The following GGT6 variants were observed in gnomAD, a reference collection of about 807,000 sequenced individuals.
GGT6 encodes glutathione hydrolase 6.
In GGT6, 13 loss-of-function variants were observed where a neutral mutation model predicts 17.0. That is an observed-to-expected ratio of 0.77 (90% CI 0.50 to 1.22). The LOEUF (loss-of-function observed/expected upper bound fraction) is 1.22, where lower values mean the gene tolerates loss of function less well. GGT6 is among the 50% of genes most tolerant of loss of function. GGT6 has a pLI of 0.00. For missense variants in GGT6, 628 were observed against 643.7 expected, an observed-to-expected ratio of 0.98 and a Z score of 0.26; for synonymous variants, 305 against 297.9, an observed-to-expected ratio of 1.02 and a Z score of -0.25.
At chr17:4,556,438 G>A (rs1908125446), downstream of GGT6, among the ~76,000 whole-genome samples, 2 of 152,168 alleles carry the variant, frequency 1.3e-5, no homozygotes, top group South Asian at 4.1e-4. Flanking sequence ...TTACGGAGAA[G>A]AATTTTCTTG....
intron 1 of GGT6, 58 bp from the exon 2 acceptor site, chr17:4,559,818 A>G: frequency 6.7e-7 from 1 of 1,490,454 alleles, no homozygotes; most frequent in Non-Finnish European, 9.3e-7. Context: ...CAAGGACCCC[A>G]AGAGACCCCA....
Position 4,558,915 on chromosome 17 carries a change from G to A in GGT6, c.600C>T (p.Gly200=). 2 of 1,548,796 alleles carry A rather than the reference G, an allele frequency of 1.3e-6. No individual in the cohort carries two copies. Among genetic ancestry groups the A allele is most frequent in the Middle Eastern group, 1.7e-4 (1 of 5,910 alleles). Residue 200 remains glycine (G), a synonymous_variant, in exon 4 of 4, where the codon GGC becomes GGT. Transcript: ENST00000381550. The stretch of plus-strand genomic sequence containing the variant: ...CTAGCAGGCGTGGCCAGGGCAGGCG[G>A]CCGAAGCGTGCATGCAGCAGGTGCA... The part of the protein sequence containing the change: ...PTLHLLHARF[G]RLPWPRLLVG...
Position 4,558,984 on chromosome 17 carries a change from C to A in GGT6, c.531G>T (p.Gln177His). ...NSTALTSGPA[Q>H]TLAPGLGLPA... Reference sequence around the variant, plus strand: ...GCAGCCCCAGGCCGGGGGCCAGGGTCTGTGCTGGGCCTGATGTCAGGGCCG... The same window carrying A: ...GCAGCCCCAGGCCGGGGGCCAGGGTATGTGCTGGGCCTGATGTCAGGGCCG... The change falls in exon 4 of 4, where the codon CAG becomes CAT. Residue 177 changes from glutamine to histidine, a missense_variant. Physicochemically the swap from Gln to His is conservative, Grantham distance 24. Coordinates refer to ENST00000381550, the MANE Select transcript of GGT6 (RefSeq NM_001288702.2). The A allele has an allele frequency of 1.3e-6, 2 of 1,545,528 alleles. No individual in the cohort carries two copies. Among genetic ancestry groups the A allele is most frequent in the Non-Finnish European group, 8.7e-7 (1 of 1,146,918 alleles).
In GGT6 at chr17:4,557,930, C is replaced by T. The variant is rs1908280281; in HGVS notation, c.*85G>A. On this transcript the variant is annotated 3_prime_UTR_variant, in exon 4 of 4. Transcript: ENST00000381550. ...TGTGAGGCACCACACCCTGCGGGTG[C>T]ACACTCCATTGCTGCTGTGTCTGCT... 2.2e-6 allele frequency: 2 copies of T among 910,638 alleles called. No individual in the cohort carries two copies. The highest frequency in any genetic ancestry group is 1.7e-5 in the South Asian group (1 of 57,412). 56.4% of individuals were successfully genotyped at this position (910,638 alleles called of 1,614,324 possible). A position where few individuals can be genotyped will look rare whatever the true frequency, so the allele number is the denominator to read the frequency against.
chr17:4,560,449 C>T lies in GGT6; in HGVS notation c.73G>A (p.Glu25Lys). Residue 25 changes from glutamate (E) to lysine (K), a missense_variant, in exon 1 of 4, where the codon GAA becomes AAA. Coordinates refer to ENST00000381550, the MANE Select transcript of GGT6 (RefSeq NM_001288702.2). The stretch of plus-strand genomic sequence containing the variant: ...TCTGATGTCTCCTCCTCCTCCACTT[C>T]CTCCTCCGACTCCAAGCTTGGCTCC... ...PWEPSLESEE[E>K]VEEEETSEAL... The T allele has an allele frequency of 6.2e-7, 1 of 1,614,114 alleles. No individual in the cohort carries two copies. The highest frequency in any genetic ancestry group is 8.5e-7 in the Non-Finnish European group (1 of 1,180,022).
chr17:4,558,419 C>G lies in GGT6; in HGVS notation c.1096G>C (p.Gly366Arg). ...SSALAAVDSS[G>R]SVLLLTSSLN... ...GAGGAGGTGAGAAGGAGCACAGAGC[C>G]GCTGCTGTCCACGGCGGCCAGGGCA... Residue 366 changes from glycine (G) to arginine (R), a missense_variant, in exon 4 of 4, where the codon GGC becomes CGC. Coordinates refer to ENST00000381550, the MANE Select transcript of GGT6 (RefSeq NM_001288702.2). The G allele has an allele frequency of 6.2e-7, 1 of 1,605,678 alleles. No homozygotes were observed. Among genetic ancestry groups the G allele is most frequent in the Non-Finnish European group, 8.5e-7 (1 of 1,180,002 alleles).
Position 4,558,158 on chromosome 17 carries a change from G to T in GGT6, c.1357C>A (p.Gln453Lys), listed in dbSNP as rs954683865. Reference sequence around the variant, plus strand: ...TCTTGCTGACCCTGATGCTGGTGCTGGGCCTGGGTAGGGGGCCTTGCTGCC... The same window carrying T: ...TCTTGCTGACCCTGATGCTGGTGCTTGGCCTGGGTAGGGGGCCTTGCTGCC... ...HLAARPPTQA[Q>K]HQHQGQQEPT... Residue 453 changes from glutamine to lysine, a missense_variant, in exon 4 of 4, where the codon CAG (glutamine) becomes AAG (lysine). Coordinates refer to ENST00000381550, the MANE Select transcript of GGT6 (RefSeq NM_001288702.2). 3.1e-6 allele frequency: 5 copies of T among 1,613,852 alleles called. No homozygotes were observed. Among genetic ancestry groups the T allele is most frequent in the Non-Finnish European group, 4.2e-6 (5 of 1,179,912 alleles).
In GGT6 at chr17:4,558,127, G is replaced by C. The variant is rs774815991; in HGVS notation, c.1388C>G (p.Thr463Arg). The C allele has an allele frequency of 5.0e-6, 8 of 1,613,290 alleles. No individual in the cohort carries two copies. The South Asian group carries it at 8.8e-5, about 18-fold the overall frequency. The stretch of plus-strand genomic sequence containing the variant: ...TTGGCCACAAGTGCTGGGATGCTCT[G>C]TTGGTTCTTGCTGACCCTGATGCTG... ...QHQHQGQQEP[T>R]EHPSTCGQGT... The change falls in exon 4 of 4, where the codon ACA (threonine) becomes AGA (arginine). Residue 463 changes from threonine to arginine, a missense_variant. Coordinates refer to ENST00000381550, the MANE Select transcript of GGT6 (RefSeq NM_001288702.2).
rs766601927 is a variant in GGT6 at position 4,560,457 on chromosome 17, G to A, written c.65C>T (p.Ser22Leu). ...KLLPWEPSLESEEEVEEEETS... is the reference protein window; with the variant it reads ...KLLPWEPSLELEEEVEEEETS... ...CTCCTCCTCCTCCACTTCCTCCTCCGACTCCAAGCTTGGCTCCCAGGGCAG... is the reference window on the plus strand; with the variant it reads ...CTCCTCCTCCTCCACTTCCTCCTCCAACTCCAAGCTTGGCTCCCAGGGCAG... Residue 22 changes from serine to leucine, a missense_variant, in exon 1 of 4, where the codon TCG becomes TTG. Ser to Leu is a moderately radical substitution (Grantham distance 145). Coordinates refer to ENST00000381550, the MANE Select transcript of GGT6 (RefSeq NM_001288702.2). 14 of 1,613,798 alleles carry A rather than the reference G, an allele frequency of 8.7e-6. No homozygotes were observed. Among genetic ancestry groups the A allele is most frequent in the Admixed American group, 3.3e-5 (2 of 60,006 alleles).
In GGT6 at chr17:4,558,124, T is replaced by C. The variant is rs1908299406; in HGVS notation, c.1391A>G (p.Glu464Gly). The change falls in exon 4 of 4, where the codon GAG (glutamate) becomes GGG (glycine). Residue 464 changes from glutamate to glycine, a missense_variant. Transcript: ENST00000381550. The stretch of plus-strand genomic sequence containing the variant: ...CCCTTGGCCACAAGTGCTGGGATGC[T>C]CTGTTGGTTCTTGCTGACCCTGATG... The part of the protein sequence containing the change: ...HQHQGQQEPT[E>G]HPSTCGQGTL... The C allele has an allele frequency of 1.2e-6, 2 of 1,613,090 alleles. No individual in the cohort carries two copies. Among genetic ancestry groups the C allele is most frequent in the African/African-American group, 1.3e-5 (1 of 74,940 alleles).
chr17:4,558,420 G>T lies in GGT6; in HGVS notation c.1095C>A (p.Ser365Arg), dbSNP rs149059426. The T allele has an allele frequency of 2.2e-5, 35 of 1,605,772 alleles. No homozygotes were observed. In the African/African-American group the frequency reaches 3.6e-4, roughly 17 times the overall value. The change falls in exon 4 of 4, where the codon AGC becomes AGA. Residue 365 changes from serine to arginine, a missense_variant. Physicochemically the swap from Ser to Arg is moderately radical, Grantham distance 110. Transcript: ENST00000381550. The stretch of plus-strand genomic sequence containing the variant: ...AGGAGGTGAGAAGGAGCACAGAGCC[G>T]CTGCTGTCCACGGCGGCCAGGGCAC... ...ESSALAAVDS[S>R]GSVLLLTSSL...
Position 4,558,435 on chromosome 17 carries a change from G to A in GGT6, c.1080C>T (p.Ala360=), listed in dbSNP as rs772748837. 6.2e-6 allele frequency: 10 copies of A among 1,606,562 alleles called. No individual in the cohort carries two copies. The highest frequency in any genetic ancestry group is 2.7e-5 in the African/African-American group (2 of 74,936). Residue 360 remains alanine (A), a synonymous_variant, in exon 4 of 4, where the codon GCC becomes GCT. Coordinates refer to ENST00000381550, the MANE Select transcript of GGT6 (RefSeq NM_001288702.2). ...TAVSPESSAL[A]AVDSSGSVLL... ...GCACAGAGCCGCTGCTGTCCACGGC[G>A]GCCAGGGCACTGCTCTCGGGGCTCA... is the stretch of plus-strand genomic sequence containing the variant.
In GGT6 at chr17:4,559,674, C is replaced by G; in HGVS notation, c.227G>C (p.Arg76Thr). Residue 76 changes from arginine (R) to threonine (T), a missense_variant, in exon 2 of 4, where the codon AGG becomes ACG. Coordinates refer to ENST00000381550, the MANE Select transcript of GGT6 (RefSeq NM_001288702.2). ...CGACCTGCCCTGATTCTGGAGCTGC[C>G]TCACAGCCAGGGAGCAGCCAACAGC... ...LLAVGCSLAV[R>T]QLQNQGRSTG... is the part of the protein sequence containing the mutation. The G allele has an allele frequency of 6.2e-7, 1 of 1,612,978 alleles. No homozygotes were observed. Among genetic ancestry groups the G allele is most frequent in the Non-Finnish European group, 8.5e-7 (1 of 1,180,014 alleles).
Position 4,560,429 on chromosome 17 carries a change from T to C in GGT6, c.93A>G (p.Thr31=), listed in dbSNP as rs139632827. The C allele has an allele frequency of 1.1e-5, 17 of 1,613,992 alleles. No homozygotes were observed. Among genetic ancestry groups the C allele is most frequent in the Non-Finnish European group, 1.4e-5 (16 of 1,180,008 alleles). ...ESEEEVEEEE[T]SEALVLNPRR... The stretch of plus-strand genomic sequence containing the variant: ...GGGGGTTTAGAACCAGCGCCTCTGA[T>C]GTCTCCTCCTCCTCCACTTCCTCCT... The change falls in exon 1 of 4, where the codon ACA becomes ACG. Residue 31 remains threonine, a synonymous_variant. Transcript: ENST00000381550.
At position 4,559,652 on chromosome 17, in the gene GGT6, C is replaced by T. The variant is rs752324097; in HGVS notation, c.249G>A (p.Arg83=). Residue 83 remains arginine, a synonymous_variant, in exon 2 of 4, where the codon AGG becomes AGA. Transcript: ENST00000381550. The part of the protein sequence containing the change: ...LAVRQLQNQG[R]STGSLGSVAP... ...CCACAGAGCCCAAGCTTCCTGTCGACCTGCCCTGATTCTGGAGCTGCCTCA... is the reference window on the plus strand; with the variant it reads ...CCACAGAGCCCAAGCTTCCTGTCGATCTGCCCTGATTCTGGAGCTGCCTCA... 7 of 1,613,398 alleles carry T rather than the reference C, an allele frequency of 4.3e-6. No homozygotes were observed. Among genetic ancestry groups the T allele is most frequent in the Non-Finnish European group, 5.9e-6 (7 of 1,180,016 alleles).
At position 4,559,532 on chromosome 17, in the gene GGT6, C is replaced by G. The variant is rs1220151924; in HGVS notation, c.343+26G>C. On this transcript the variant is annotated intron_variant, in intron 2 of 3. Transcript: ENST00000381550. ...CTGGTGACCCCTGACCCTCCCCTCC[C>G]CAAGCCGCCCCCAGCACTGACTGAC... is the stretch of plus-strand genomic sequence containing the variant. 3.1e-6 allele frequency: 5 copies of G among 1,607,464 alleles called. No individual in the cohort carries two copies. The East Asian group carries it at 1.1e-4, about 36-fold the overall frequency.
chr17:4,560,314 C>A, intron 1 of GGT6, 68 bp downstream of exon 1: 1 of 1,579,788 alleles, frequency 6.3e-7, no homozygotes, highest in Non-Finnish European at 8.7e-7. Context: ...CCCTGAGGGG[C>A]TCCAGAGAGA....
chr17:4,560,468 T>A lies in GGT6; in HGVS notation c.54A>T (p.Pro18=). The part of the protein sequence containing the change: ...VVYQKLLPWE[P]SLESEEEVEE... ...CCACTTCCTCCTCCGACTCCAAGCT[T>A]GGCTCCCAGGGCAGCAGCTTCTGAT... The change falls in exon 1 of 4, where the codon CCA becomes CCT. Residue 18 remains proline (P), a synonymous_variant. Transcript: ENST00000381550. 3 of 1,613,904 alleles carry A rather than the reference T, an allele frequency of 1.9e-6. No individual in the cohort carries two copies. The highest frequency in any genetic ancestry group is 2.5e-6 in the Non-Finnish European group (3 of 1,180,014).
chr17:4,558,807 G>T lies in GGT6; in HGVS notation c.708C>A (p.Gly236=). The change falls in exon 4 of 4, where the codon GGC becomes GGA. Residue 236 remains glycine, a synonymous_variant. Coordinates refer to ENST00000381550, the MANE Select transcript of GGT6 (RefSeq NM_001288702.2). ...CAGCATGGCAAAGTAGTGGACAGAG[G>T]CCTTCTGTGCCCCGAGCCACCAGAG... The part of the protein sequence containing the change: ...ARALVARGTE[G]LCPLLCHADG... 1 of 1,553,732 alleles carries T rather than the reference G, an allele frequency of 6.4e-7. No homozygotes were observed. Among genetic ancestry groups the T allele is most frequent in the Non-Finnish European group, 8.7e-7 (1 of 1,148,464 alleles).
Sources: gnomAD v4.1 joint callset for allele counts (sites outside exome capture counted in the v4.1 genomes callset) on GRCh38, gnomAD v4.1.1 for gene constraint, MANE v1.5 for transcripts, NCBI Gene and HGNC (gene_info 2026-07-23, HGNC 2026-07-21) for gene names.